Variants in GPM6A observed in about 807,000 individuals in gnomAD.
The protein encoded by GPM6A is neuronal membrane glycoprotein M6-a.
GPM6A carries 7 observed loss-of-function variants against 32.1 expected under a neutral mutation model. The ratio of observed to expected loss-of-function variants is 0.22; its 90% confidence interval spans 0.12 to 0.41. The LOEUF (loss-of-function observed/expected upper bound fraction) is 0.41. Ranked by LOEUF, GPM6A falls within the 10% of genes least tolerant of loss-of-function variation. The pLI, the probability that GPM6A is intolerant of heterozygous loss-of-function variation, is 1.00. For missense variants in GPM6A, 235 were observed against 347.2 expected, an observed-to-expected ratio of 0.68 and a Z score of 2.57; for synonymous variants, 130 against 123.4, an observed-to-expected ratio of 1.05 and a Z score of -0.35.
chr4:175,921,199 A>G (rs1738653951), intron 1 of GPM6A, among the ~76,000 whole-genome samples: 2 of 152,188 alleles, frequency 1.3e-5, no homozygotes, highest in South Asian at 4.1e-4. Flanking sequence ...ACTTTCAATA[A>G]CAAAAGATTC....
At chr4:175,865,649 TCAA>T (rs1335057372) in intron 1 of GPM6A, among the ~76,000 whole-genome samples, 5 of 152,312 alleles carry the variant, frequency 3.3e-5, no homozygotes, top group African/African-American at 1.2e-4. Flanking sequence ...AATATTTTTG[TCAA>T]ATTTATCCAT....
At chr4:175,772,542 G>A (rs1733232567) in intron 1 of GPM6A, among the ~76,000 whole-genome samples, 1 of 152,056 alleles carries the variant, frequency 6.6e-6, no homozygotes, top group Non-Finnish European at 1.5e-5. Context: ...TTTTAGACTG[G>A]GAAACCTTCC....
intron 3 of GPM6A, among the ~76,000 whole-genome samples, chr4:175,673,161 T>C (rs185776128): frequency 6.6e-6 from 1 of 152,274 alleles, no homozygotes; most frequent in Admixed American, 6.5e-5. Flanking sequence ...ATACGCATTG[T>C]CTGTATTACA....
chr4:175,760,709 A>G (rs1025733207), intron 1 of GPM6A, among the ~76,000 whole-genome samples: 5 of 152,134 alleles, frequency 3.3e-5, no homozygotes, highest in African/African-American at 1.2e-4. Context: ...TGAGTAGTGA[A>G]TTATTCAGTC....
intron 1 of GPM6A, among the ~76,000 whole-genome samples, chr4:175,823,637 C>G (rs1204919468): frequency 2.0e-5 from 3 of 152,144 alleles, no homozygotes; most frequent in African/African-American, 7.2e-5. Flanking sequence ...CTATATGGTG[C>G]ATAGAGGACT....
intron 3 of GPM6A, among the ~76,000 whole-genome samples, chr4:175,655,938 T>C (rs188854141): frequency 6.6e-6 from 1 of 152,254 alleles, no homozygotes; most frequent in Admixed American, 6.5e-5. Flanking sequence ...AATAAAAATG[T>C]ATTACTTTGT....
intron 1 of GPM6A, among the ~76,000 whole-genome samples, chr4:175,721,894 A>C (rs2111117591): frequency 6.6e-6 from 1 of 152,340 alleles, no homozygotes; most frequent in South Asian, 2.1e-4. Flanking sequence ...AGTGGTTTTA[A>C]CTAATGACAG....
intron 1 of GPM6A, among the ~76,000 whole-genome samples, chr4:175,734,466 G>C (rs569442565): frequency 3.3e-5 from 5 of 152,046 alleles, no homozygotes; most frequent in African/African-American, 1.2e-4. Context: ...GATGTTGGGT[G>C]GCTGACATGG....
chr4:175,984,382 C>A (rs1000660020), intron 1 of GPM6A, among the ~76,000 whole-genome samples: 1 of 152,132 alleles, frequency 6.6e-6, no homozygotes, highest in African/African-American at 2.4e-5. Flanking sequence ...CCAGGATGGT[C>A]TTGATCTCCG....
intron 2 of GPM6A, among the ~76,000 whole-genome samples, chr4:175,678,046 C>T (rs78672997): frequency 0.027 from 4,043 of 152,136 alleles, 104 homozygotes; most frequent in Non-Finnish European, 0.037. Context: ...ACAGCGTATA[C>T]GTCTTGAGTT....
intron 1 of GPM6A, among the ~76,000 whole-genome samples, chr4:175,703,595 T>C (rs908327949): frequency 6.6e-6 from 1 of 152,240 alleles, no homozygotes; most frequent in Non-Finnish European, 1.5e-5. Context: ...AACACAGCTT[T>C]AAGCATTTAA....
intron 1 of GPM6A, among the ~76,000 whole-genome samples, chr4:175,820,057 T>A: frequency 6.6e-6 from 1 of 152,226 alleles, no homozygotes; most frequent in East Asian, 1.9e-4. Context: ...GCTTGATAGC[T>A]TTCGTCAACA....
At chr4:175,945,039 G>T (rs1739544204) in intron 1 of GPM6A, among the ~76,000 whole-genome samples, 1 of 151,946 alleles carries the variant, frequency 6.6e-6, no homozygotes, top group African/African-American at 2.4e-5. Flanking sequence ...ACTGATTAAA[G>T]GTTTAAAAAG....
intron 1 of GPM6A, among the ~76,000 whole-genome samples, chr4:175,962,998 G>A (rs1332094735): frequency 6.6e-6 from 1 of 151,596 alleles, no homozygotes; most frequent in African/African-American, 2.4e-5. Context: ...AAGAGTGCTA[G>A]AAATCAAAAA....
chr4:175,845,226 G>A (rs1044275121), intron 1 of GPM6A, among the ~76,000 whole-genome samples: 7 of 152,088 alleles, frequency 4.6e-5, no homozygotes, highest in African/African-American at 1.7e-4. Flanking sequence ...ATGTAAATGA[G>A]ATATAGGATT....
chr4:175,700,771 A>G (rs1481731523), intron 2 of GPM6A, among the ~76,000 whole-genome samples: 1 of 152,214 alleles, frequency 6.6e-6, no homozygotes, highest in African/African-American at 2.4e-5. Context: ...CTGGGATTAC[A>G]AACAAACTAA....
chr4:175,739,709 G>T (rs912180775), intron 1 of GPM6A, among the ~76,000 whole-genome samples: 2 of 152,036 alleles, frequency 1.3e-5, no homozygotes, highest in Non-Finnish European at 2.9e-5. Flanking sequence ...GGGCAAAAGT[G>T]ACGTTTTGAA....
At chr4:175,903,285 G>GA (rs11368050) in intron 1 of GPM6A, among the ~76,000 whole-genome samples, 3 of 151,206 alleles carry the variant, frequency 2.0e-5, no homozygotes, top group Non-Finnish European at 4.4e-5. Context: ...GTAATTCATT[G>GA]AAAAAAAAAG....
intron 3 of GPM6A, among the ~76,000 whole-genome samples, chr4:175,662,250 C>T (rs555267308): frequency 6.6e-6 from 1 of 152,168 alleles, no homozygotes; most frequent in East Asian, 1.9e-4. Flanking sequence ...CTCTTGCCTG[C>T]ATACCACCTC....
Sources: gnomAD v4.1 joint callset for allele counts (sites outside exome capture counted in the v4.1 genomes callset) on GRCh38, gnomAD v4.1.1 for gene constraint, MANE v1.5 for transcripts, NCBI Gene and HGNC (gene_info 2026-07-23, HGNC 2026-07-21) for gene names.